The following FAM72A variants were observed in gnomAD, a reference collection of about 807,000 sequenced individuals.
FAM72A encodes the protein regulator of UNG2 and MKLN1 interacting yippee protein 1, also known as protein FAM72A.
A neutral mutation model predicts 11.3 loss-of-function variants in FAM72A; 1 was observed. That is an observed-to-expected ratio of 0.09 (90% CI 0.03 to 0.42). The LOEUF is 0.42. FAM72A is among the 10% of genes least tolerant of loss of function. The probability of loss-of-function intolerance (pLI) is 0.98; values close to 1 mark genes in which losing one functional copy is unlikely to be tolerated. For synonymous variants in FAM72A, 5 were observed against 46.9 expected, an observed-to-expected ratio of 0.11 and a Z score of 3.65; for missense variants, 15 against 135.5, an observed-to-expected ratio of 0.11 and a Z score of 4.41.
upstream of FAM72A, chr1:206,203,798 G>T (rs1171926334): frequency 6.5e-7 from 1 of 1,531,988 alleles, no homozygotes; most frequent in Non-Finnish European, 8.8e-7. Flanking sequence ...CCCTCAGACC[G>T]CCCCCCCTCC....
At chr1:206,198,295 C>T (rs1254834146) in intron 2 of FAM72A, among the ~76,000 whole-genome samples, 17 of 148,562 alleles carry the variant, frequency 1.1e-4, no homozygotes, top group Non-Finnish European at 2.1e-4. Context: ...ACCTGGGAGG[C>T]GGAGGTTGCA....
intron 3 of FAM72A, among the ~76,000 whole-genome samples, chr1:206,187,908 T>TA (rs1664612328): frequency 2.7e-5 from 3 of 112,852 alleles, no homozygotes; most frequent in South Asian, 3.6e-4. Context: ...TAAATCCTTT[T>TA]AAGCAAGGGC....
chr1:206,190,455 A>G (rs1283574931), intron 3 of FAM72A, among the ~76,000 whole-genome samples: 1 of 148,710 alleles, frequency 6.7e-6, no homozygotes, highest in African/African-American at 2.5e-5. Context: ...CCTAGCTTGC[A>G]ATTCGTGATC....
intron 3 of FAM72A, among the ~76,000 whole-genome samples, chr1:206,187,698 G>A (rs1398127962): frequency 1.3e-5 from 2 of 152,100 alleles, no homozygotes; most frequent in Non-Finnish European, 2.9e-5. Flanking sequence ...CCAAGTCACT[G>A]GGACTACAGG....
Position 206,193,779 on chromosome 1 carries a change from TA to T in FAM72A, c.355+1972del, listed in dbSNP as rs1265602626. Among the ~76,000 whole-genome samples, 3 of 149,392 alleles carry T rather than the reference TA, an allele frequency of 2.0e-5. No individual in the cohort carries two copies. In the Admixed American group the frequency reaches 2.0e-4, roughly 10 times the overall value. On this transcript the variant is annotated intron_variant, in intron 3 of 3. Transcript: ENST00000367128. Reference sequence around the variant, plus strand: ...CAAATCTGTTTACAGCATGTTTTACTAACTATTTTAAGCCCATTGTTAAGAC... The same window carrying T: ...CAAATCTGTTTACAGCATGTTTTACTACTATTTTAAGCCCATTGTTAAGAC...
At chr1:206,191,705 A>T (rs1664806609) in intron 3 of FAM72A, among the ~76,000 whole-genome samples, 2 of 142,650 alleles carry the variant, frequency 1.4e-5, no homozygotes, top group Non-Finnish European at 1.5e-5. Flanking sequence ...TTGGTAGTGT[A>T]CTTTCTTACT....
intron 2 of FAM72A, among the ~76,000 whole-genome samples, chr1:206,198,234 C>T (rs1437789177): frequency 1.4e-5 from 2 of 147,478 alleles, no homozygotes. Context: ...CATGGTGGTG[C>T]GTGCCTGTAG....
At chr1:206,197,817 G>T in intron 2 of FAM72A, among the ~76,000 whole-genome samples, 1 of 150,768 alleles carries the variant, frequency 6.6e-6, no homozygotes, top group African/African-American at 2.4e-5. Flanking sequence ...GGGAGGCAGA[G>T]GTGAGAGAAT....
chr1:206,193,006 C>T (rs1664873906), intron 3 of FAM72A, among the ~76,000 whole-genome samples: 3 of 151,102 alleles, frequency 2.0e-5, no homozygotes, highest in South Asian at 2.1e-4. Context: ...CTCCGCCTCC[C>T]GGGTTCAAGC....
chr1:206,203,543 G>A (rs1460480256), upstream of FAM72A: 3 of 557,552 alleles, frequency 5.4e-6, no homozygotes, highest in African/African-American at 1.9e-5. Context: ...GCTCCTCCAG[G>A]GACTGGGGCA....
At chr1:206,199,135 GTAATCCC>G (rs1254714012) in intron 2 of FAM72A, among the ~76,000 whole-genome samples, 92 of 144,208 alleles carry the variant, frequency 6.4e-4, no homozygotes, top group Non-Finnish European at 1.2e-3. Context: ...GCTCATACCT[GTAATCCC>G]AGCCTTTTGG....
chr1:206,191,471 A>G (rs1368254393), intron 3 of FAM72A, among the ~76,000 whole-genome samples: 2 of 148,842 alleles, frequency 1.3e-5, no homozygotes, highest in Non-Finnish European at 3.0e-5. Flanking sequence ...ATACAAAAAA[A>G]TTAGCTGGGC....
chr1:206,203,538 T>A (rs1181425297), upstream of FAM72A: 4 of 552,446 alleles, frequency 7.2e-6, no homozygotes, highest in Non-Finnish European at 1.3e-5. Flanking sequence ...CGGAGGCTCC[T>A]CCAGGGACTG....
upstream of FAM72A, chr1:206,204,492 AAAGGAAAGACC>A (rs1175134589): frequency 1.4e-5 from 1 of 71,920 alleles, no homozygotes; most frequent in African/African-American, 7.1e-5. Flanking sequence ...GCTCGGAGGA[AAAGGAAAGACC>A]AAGTAGAAAG....
At chr1:206,203,383 C>T (rs1417676493), upstream of FAM72A, 1 of 396,468 alleles carries the variant, frequency 2.5e-6, no homozygotes, top group African/African-American at 2.1e-5. Flanking sequence ...GTCACACCTC[C>T]AAGTTTTGCC....
At chr1:206,204,015 GCCT>G (rs1665625527), upstream of FAM72A, 1 of 991,274 alleles carries the variant, frequency 1.0e-6, no homozygotes, top group South Asian at 1.6e-5. Context: ...TCATCGGCCG[GCCT>G]CCTCCAGTGT....
chr1:206,187,864 CT>C (rs1332760473), intron 3 of FAM72A, among the ~76,000 whole-genome samples: 1 of 130,516 alleles, frequency 7.7e-6, no homozygotes, highest in African/African-American at 2.9e-5. Context: ...CTGGCAAACA[CT>C]TTTTTTTAAA....
At chr1:206,205,098 G>A (rs1571555870), upstream of FAM72A, 3 of 151,778 alleles carry the variant, frequency 2.0e-5, no homozygotes, top group South Asian at 4.1e-4. Flanking sequence ...TAGGTCGGGA[G>A]GGCTCCCTCG....
chr1:206,191,962 C>T (rs1467599845), intron 3 of FAM72A, among the ~76,000 whole-genome samples: 2 of 147,024 alleles, frequency 1.4e-5, no homozygotes, highest in Non-Finnish European at 3.0e-5. Context: ...TTAGTATAGG[C>T]ATACCTCAAT....
Sources: gnomAD v4.1 joint callset for allele counts (sites outside exome capture counted in the v4.1 genomes callset) on GRCh38, gnomAD v4.1.1 for gene constraint, MANE v1.5 for transcripts, NCBI Gene and HGNC (gene_info 2026-07-23, HGNC 2026-07-21) for gene names.